The following RAPGEF2 variants were observed in gnomAD, a reference collection of about 807,000 sequenced individuals.
RAPGEF2 encodes the protein Rap guanine nucleotide exchange factor 2, also known as PDZ domain containing guanine nucleotide exchange factor (GEF) 1.
A neutral mutation model predicts 186.7 loss-of-function variants in RAPGEF2; 54 were observed. The ratio of observed to expected loss-of-function variants is 0.29; its 90% CI spans 0.23 to 0.36. RAPGEF2 has a LOEUF of 0.36. Among genes scored for constraint, RAPGEF2 ranks in the 10% least tolerant of loss-of-function variants. The pLI, the probability that RAPGEF2 is intolerant of heterozygous loss-of-function variation, is 1.00. For missense variants in RAPGEF2, 1,532 were observed against 2,045.0 expected, an observed-to-expected ratio of 0.75 and a Z score of 4.84; for synonymous variants, 712 against 705.9, an observed-to-expected ratio of 1.01 and a Z score of -0.14.
intron 1 of RAPGEF2, among the ~76,000 whole-genome samples, chr4:159,111,981 C>T (rs892798945): frequency 2.0e-5 from 3 of 152,218 alleles, no homozygotes; most frequent in Non-Finnish European, 4.4e-5. Flanking sequence ...TTTATAGCCA[C>T]AGTCACTCCC....
At chr4:159,195,886 T>G (rs889134522) in intron 3 of RAPGEF2, among the ~76,000 whole-genome samples, 10 of 144,844 alleles carry the variant, frequency 6.9e-5, no homozygotes, top group South Asian at 4.5e-4. Flanking sequence ...TTTTTTTTTT[T>G]TTTTTTTTTT....
At chr4:159,324,087 G>A (rs1050144333) in intron 11 of RAPGEF2, among the ~76,000 whole-genome samples, 4 of 151,630 alleles carry the variant, frequency 2.6e-5, no homozygotes, top group Non-Finnish European at 5.9e-5. Context: ...AGTAGAGATG[G>A]GGTTTCACCA....
chr4:159,255,759 A>G (rs1240127587), intron 7 of RAPGEF2, among the ~76,000 whole-genome samples: 1 of 152,054 alleles, frequency 6.6e-6, no homozygotes, highest in Non-Finnish European at 1.5e-5. Flanking sequence ...TGTAAATACC[A>G]TGTTTTGTAG....
At chr4:159,137,543 G>A (rs1741851733) in intron 1 of RAPGEF2, among the ~76,000 whole-genome samples, 1 of 152,120 alleles carries the variant, frequency 6.6e-6, no homozygotes, top group East Asian at 1.9e-4. Context: ...TGAATTTTAG[G>A]GGAATACAGT....
chr4:159,345,357 A>G (rs1415555230), intron 24 of RAPGEF2, 28 bp downstream of exon 24: 2 of 1,604,172 alleles, frequency 1.2e-6, no homozygotes, highest in East Asian at 2.2e-5. Flanking sequence ...GTGGCTGCAG[A>G]CTTTGGCTAG....
At chr4:159,227,422 C>T (rs1752157392) in intron 4 of RAPGEF2, among the ~76,000 whole-genome samples, 1 of 152,194 alleles carries the variant, frequency 6.6e-6, no homozygotes, top group Non-Finnish European at 1.5e-5. Flanking sequence ...GCCAGCTTTG[C>T]ACAATGAAAT....
At chr4:159,210,437 G>A (rs1174165062) in intron 3 of RAPGEF2, 63 bp from the exon 4 acceptor site, 1 of 1,138,188 alleles carries the variant, frequency 8.8e-7, no homozygotes, top group African/African-American at 1.5e-5. Flanking sequence ...TGTGCTATAT[G>A]TTTTAATTTT....
chr4:159,231,946 G>A (rs1752689353), intron 4 of RAPGEF2, among the ~76,000 whole-genome samples: 1 of 152,158 alleles, frequency 6.6e-6, no homozygotes, highest in Non-Finnish European at 1.5e-5. Context: ...ATATAAAAGA[G>A]ATGGGTTCCC....
chr4:159,241,395 A>T, intron 6 of RAPGEF2, 27 bp downstream of exon 6: 2 of 1,281,294 alleles, frequency 1.6e-6, no homozygotes, highest in Non-Finnish European at 2.0e-6. Context: ...TAATATTTTT[A>T]TTTATTTCTA....
intron 7 of RAPGEF2, among the ~76,000 whole-genome samples, chr4:159,285,850 C>A (rs1472345818): frequency 6.6e-6 from 1 of 152,120 alleles, no homozygotes; most frequent in African/African-American, 2.4e-5. Context: ...CTTGTAAGCA[C>A]TCAATGAGCA....
intron 26 of RAPGEF2, among the ~76,000 whole-genome samples, chr4:159,351,633 AT>A (rs1316992350): frequency 6.6e-6 from 1 of 152,112 alleles, no homozygotes; most frequent in Non-Finnish European, 1.5e-5. Flanking sequence ...GAAGATTTGG[AT>A]TTTTTTCATT....
chr4:159,190,773 A>T (rs927798006), intron 2 of RAPGEF2, among the ~76,000 whole-genome samples: 1 of 152,210 alleles, frequency 6.6e-6, no homozygotes, highest in Non-Finnish European at 1.5e-5. Context: ...CACTAACACC[A>T]GAACAGGACT....
chr4:159,106,273 T>C (rs1195747025), intron 1 of RAPGEF2, among the ~76,000 whole-genome samples: 3 of 152,240 alleles, frequency 2.0e-5, no homozygotes, highest in Non-Finnish European at 2.9e-5. Flanking sequence ...CTATTAACTT[T>C]GATGTTCGTT....
intron 12 of RAPGEF2, 57 bp from the exon 13 acceptor site, chr4:159,330,277 G>GTGTC (rs1766494847): frequency 1.2e-6 from 1 of 811,594 alleles, no homozygotes; most frequent in Non-Finnish European, 2.0e-6. Flanking sequence ...GTGTGTGTGT[G>GTGTC]TGTGTGTGTG....
At chr4:159,197,853 A>T (rs1371192217) in intron 3 of RAPGEF2, among the ~76,000 whole-genome samples, 4 of 152,080 alleles carry the variant, frequency 2.6e-5, no homozygotes, top group Non-Finnish European at 5.9e-5. Flanking sequence ...ACCCTAATTT[A>T]TCTGTATCTG....
intron 9 of RAPGEF2, 119 bp from the exon 10 acceptor site, chr4:159,322,228 A>G: frequency 1.2e-6 from 1 of 866,474 alleles, no homozygotes; most frequent in Non-Finnish European, 1.7e-6. Context: ...CTTGATATGT[A>G]TTTTTCAATA....
intron 17 of RAPGEF2, among the ~76,000 whole-genome samples, chr4:159,336,735 T>C (rs889777850): frequency 4.7e-4 from 71 of 151,414 alleles, no homozygotes; most frequent in Non-Finnish European, 4.4e-5. Context: ...ATTTCCATTT[T>C]CAAAAAAAAA....
At chr4:159,167,970 GATGAA>G (rs1326025547) in intron 1 of RAPGEF2, among the ~76,000 whole-genome samples, 2 of 152,220 alleles carry the variant, frequency 1.3e-5, no homozygotes, top group African/African-American at 4.8e-5. Context: ...GATCAACTAT[GATGAA>G]ATGAAATTTA....
At chr4:159,237,842 TAAAA>T (rs58593781) in intron 4 of RAPGEF2, among the ~76,000 whole-genome samples, 14,522 of 66,318 alleles carry the variant, frequency 0.22, 1,084 homozygotes, top group Non-Finnish European at 0.28. Flanking sequence ...CTACAAAAAT[TAAAA>T]AAAAAAAAAA....
Sources: gnomAD v4.1 joint callset for allele counts (sites outside exome capture counted in the v4.1 genomes callset) on GRCh38, gnomAD v4.1.1 for gene constraint, MANE v1.5 for transcripts, NCBI Gene and HGNC (gene_info 2026-07-23, HGNC 2026-07-21) for gene names.